The following RELN variants were observed in gnomAD, a reference collection of about 807,000 sequenced individuals.
RELN encodes the protein reelin.
Under a neutral mutation model 427.6 loss-of-function variants are expected in RELN, and 108 were observed. The observed-to-expected ratio is 0.25, with a 90% CI of 0.22 to 0.30. The LOEUF (loss-of-function observed/expected upper bound fraction) is 0.30, where lower values mean the gene tolerates loss of function less well. Among genes scored for constraint, RELN ranks in the 10% least tolerant of loss-of-function variants. The pLI, the probability that RELN is intolerant of heterozygous loss-of-function variation, is 1.00. For missense variants in RELN, 3,715 were observed against 4,302.8 expected, an observed-to-expected ratio of 0.86 and a Z score of 3.82; for synonymous variants, 1,524 against 1,513.4, an observed-to-expected ratio of 1.01 and a Z score of -0.16.
At chr7:103,518,682 C>T (rs1392936304) in intron 49 of RELN, among the ~76,000 whole-genome samples, 1 of 151,758 alleles carries the variant, frequency 6.6e-6, no homozygotes, top group Non-Finnish European at 1.5e-5. Flanking sequence ...TCTTCAGCCT[C>T]CCCCTGGACC....
chr7:103,773,561 C>G (rs961559883), intron 4 of RELN, among the ~76,000 whole-genome samples: 9 of 151,818 alleles, frequency 5.9e-5, no homozygotes, highest in Non-Finnish European at 1.2e-4. Context: ...CCTCCGCCTC[C>G]CAGGTTCAAG....
rs1361198575 is a variant in RELN at position 103,604,479 on chromosome 7, T to A, written c.3013A>T (p.Ser1005Cys). The A allele has an allele frequency of 1.1e-5, 17 of 1,613,790 alleles. No homozygotes were observed. Among genetic ancestry groups the A allele is most frequent in the Non-Finnish European group, 1.4e-5 (16 of 1,179,856 alleles). ...IVLLPQKTWSSATRFRWSQSY... is the reference protein window; with the variant it reads ...IVLLPQKTWSCATRFRWSQSY... ...TGGCTCCAGCGGAAACGGGTAGCAC[T>A]GGACCTAGAAACACGGTATAGTATA... The change falls in exon 23 of 65, where the codon AGT becomes TGT. Residue 1005 changes from serine to cysteine, a missense_variant. By Grantham distance (112) the Ser-to-Cys change is moderately radical. Coordinates refer to ENST00000428762, the MANE Select transcript of RELN (RefSeq NM_005045.4).
chr7:103,606,109 A>G (rs940369913), intron 22 of RELN, among the ~76,000 whole-genome samples: 1 of 152,192 alleles, frequency 6.6e-6, no homozygotes, highest in Non-Finnish European at 1.5e-5. Flanking sequence ...AGACGTAAAT[A>G]AGACTTATGC....
At chr7:103,923,861 A>G (rs1398664406) in intron 1 of RELN, among the ~76,000 whole-genome samples, 1 of 152,182 alleles carries the variant, frequency 6.6e-6, no homozygotes, top group Non-Finnish European at 1.5e-5. Context: ...TTCCTTAATA[A>G]TAATAATAGC....
chr7:103,880,016 C>T (rs1339510800), intron 2 of RELN, among the ~76,000 whole-genome samples: 8 of 151,938 alleles, frequency 5.3e-5, no homozygotes, highest in African/African-American at 1.9e-4. Context: ...ACAAGCTAGG[C>T]TTAATGTGTG....
At chr7:103,633,364 A>C (rs1832511382) in intron 19 of RELN, among the ~76,000 whole-genome samples, 1 of 152,050 alleles carries the variant, frequency 6.6e-6, no homozygotes, top group South Asian at 2.1e-4. Context: ...TTATCATATA[A>C]AATATAATTT....
intron 3 of RELN, among the ~76,000 whole-genome samples, chr7:103,794,814 CA>C (rs1197490021): frequency 6.6e-6 from 1 of 151,942 alleles, no homozygotes; most frequent in East Asian, 1.9e-4. Flanking sequence ...GGTATGACAA[CA>C]AAAAAATGTC....
intron 4 of RELN, among the ~76,000 whole-genome samples, chr7:103,774,204 G>A (rs1018113750): frequency 6.6e-5 from 10 of 151,436 alleles, no homozygotes; most frequent in Non-Finnish European, 1.3e-4. Context: ...GGCTGAGGCA[G>A]GAGAATCGCT....
At chr7:103,606,906 C>T (rs1195801123) in intron 22 of RELN, among the ~76,000 whole-genome samples, 1 of 151,812 alleles carries the variant, frequency 6.6e-6, no homozygotes, top group African/African-American at 2.4e-5. Flanking sequence ...ATTCAGTTCC[C>T]ACCTATGAGT....
intron 46 of RELN, among the ~76,000 whole-genome samples, chr7:103,525,371 T>C (rs1829800228): frequency 6.6e-6 from 1 of 152,190 alleles, no homozygotes. Context: ...TGGTAAGTTA[T>C]AAGGAGAGCA....
At chr7:103,812,630 A>T (rs1210305219) in intron 3 of RELN, among the ~76,000 whole-genome samples, 1 of 152,204 alleles carries the variant, frequency 6.6e-6, no homozygotes, top group Non-Finnish European at 1.5e-5. Flanking sequence ...ATTTGCACAC[A>T]TATGACAAAG....
intron 20 of RELN, among the ~76,000 whole-genome samples, chr7:103,617,779 C>T (rs944895491): frequency 2.6e-5 from 4 of 152,000 alleles, no homozygotes; most frequent in Non-Finnish European, 5.9e-5. Flanking sequence ...AAGAGGGGGC[C>T]TAATGGGAGA....
chr7:103,741,131 C>T lies in RELN; in HGVS notation c.656+8295G>A, dbSNP rs145309354. On this transcript the variant is annotated intron_variant, in intron 6 of 64. Coordinates refer to ENST00000428762, the MANE Select transcript of RELN (RefSeq NM_005045.4). Reference sequence around the variant, plus strand: ...AAGGGACAAAACTCAAGTGACAAAACATGTAGCAAGAAAATAGAAGCTTTG... The same window carrying T: ...AAGGGACAAAACTCAAGTGACAAAATATGTAGCAAGAAAATAGAAGCTTTG... 5.3e-5 allele frequency among the ~76,000 whole-genome samples: 8 copies of T among 152,240 alleles called. 1 individual carries two copies. Among genetic ancestry groups the T allele is most frequent in the East Asian group, 1.9e-4 (1 of 5,176 alleles).
chr7:103,695,063 T>C (rs1447287554), intron 10 of RELN, among the ~76,000 whole-genome samples: 3 of 152,192 alleles, frequency 2.0e-5, no homozygotes, highest in African/African-American at 4.8e-5. Context: ...TCATGACCAA[T>C]AGGAACACTG....
chr7:103,553,047 TA>T (rs1280183995), intron 40 of RELN, among the ~76,000 whole-genome samples: 11 of 152,226 alleles, frequency 7.2e-5, no homozygotes, highest in African/African-American at 2.6e-4. Context: ...GTATTATCTG[TA>T]AAATTAATAA....
intron 57 of RELN, among the ~76,000 whole-genome samples, chr7:103,493,363 G>A (rs139416963): frequency 3.3e-5 from 5 of 152,302 alleles, no homozygotes; most frequent in Non-Finnish European, 7.4e-5. Context: ...GTGATTGGTG[G>A]TGCCATCGAC....
chr7:103,952,855 G>GA (rs1796360979), intron 1 of RELN, among the ~76,000 whole-genome samples: 1 of 151,994 alleles, frequency 6.6e-6, no homozygotes, highest in South Asian at 2.1e-4. Context: ...AAAATATTTT[G>GA]AAAAAATGTC....
chr7:103,523,249 A>G (rs1584262711), intron 47 of RELN, 142 bp downstream of exon 47: 1 of 880,054 alleles, frequency 1.1e-6, no homozygotes, highest in East Asian at 2.4e-5. Context: ...TCAACTTCAC[A>G]GTTAGCTCAA....
chr7:103,489,147 A>T (rs1584221292), intron 60 of RELN, among the ~76,000 whole-genome samples: 1 of 152,088 alleles, frequency 6.6e-6, no homozygotes, highest in African/African-American at 2.4e-5. Flanking sequence ...CCCTGGATAT[A>T]TACTCAACCT....
Sources: gnomAD v4.1 joint callset for allele counts (sites outside exome capture counted in the v4.1 genomes callset) on GRCh38, gnomAD v4.1.1 for gene constraint, MANE v1.5 for transcripts, NCBI Gene and HGNC (gene_info 2026-07-23, HGNC 2026-07-21) for gene names.